The following PDE1C variants were observed in gnomAD, a reference collection of about 807,000 sequenced individuals.
PDE1C encodes the protein phosphodiesterase 1C, also known as dual specificity calcium/calmodulin-dependent 3',5'-cyclic nucleotide phosphodiesterase 1C.
In PDE1C, 62 loss-of-function variants were observed where a neutral mutation model predicts 93.1. That is an observed-to-expected ratio of 0.67 (90% CI 0.54 to 0.82). PDE1C has a LOEUF of 0.82. Ranked by LOEUF, PDE1C falls within the 40% of genes least tolerant of loss-of-function variation. The probability of loss-of-function intolerance (pLI) is 0.00; values close to 1 mark genes in which losing one functional copy is unlikely to be tolerated. For missense variants in PDE1C, 742 were observed against 884.6 expected, an observed-to-expected ratio of 0.84 and a Z score of 2.04; for synonymous variants, 325 against 310.1, an observed-to-expected ratio of 1.05 and a Z score of -0.50.
intron 1 of PDE1C, among the ~76,000 whole-genome samples, chr7:32,060,842 C>A (rs1399279532): frequency 2.0e-5 from 3 of 152,192 alleles, no homozygotes; most frequent in South Asian, 2.1e-4. Context: ...CTAGGAAAGG[C>A]CTTATTTATG....
At chr7:32,419,821 A>AGG (rs1785354978) in intron 1 of PDE1C, among the ~76,000 whole-genome samples, 1 of 151,766 alleles carries the variant, frequency 6.6e-6, no homozygotes, top group South Asian at 2.1e-4. Flanking sequence ...GAGATGTAAG[A>AGG]TGCACACACA....
chr7:32,273,991 G>A (rs528110215), intron 1 of PDE1C, among the ~76,000 whole-genome samples: 1 of 152,222 alleles, frequency 6.6e-6, no homozygotes, highest in South Asian at 2.1e-4. Context: ...TTACAAAAGT[G>A]GAGAATGGAG....
intron 2 of PDE1C, among the ~76,000 whole-genome samples, chr7:32,023,348 T>A (rs913534163): frequency 2.0e-5 from 3 of 152,146 alleles, no homozygotes; most frequent in Admixed American, 6.6e-5. Flanking sequence ...TAAGTTCTAA[T>A]TGGGTTTTCT....
intron 2 of PDE1C, among the ~76,000 whole-genome samples, chr7:32,032,442 C>T (rs1584525964): frequency 1.3e-5 from 2 of 152,164 alleles, no homozygotes; most frequent in African/African-American, 4.8e-5. Flanking sequence ...CTCACAACTC[C>T]GAGGCAAGAA....
At chr7:31,639,191 C>T in the PDE1C span, among the ~76,000 whole-genome samples, 1 of 152,192 alleles carries the variant, frequency 6.6e-6, no homozygotes, top group Non-Finnish European at 1.5e-5. Flanking sequence ...AAAGCTTTCC[C>T]TCCTCTTTGG....
intron 2 of PDE1C, among the ~76,000 whole-genome samples, chr7:32,006,093 A>C (rs1786217367): frequency 6.6e-6 from 1 of 152,154 alleles, no homozygotes; most frequent in South Asian, 2.1e-4. Flanking sequence ...TGGTTCCATT[A>C]GTTCTGACTG....
intron 2 of PDE1C, among the ~76,000 whole-genome samples, chr7:32,009,302 A>C (rs1420408391): frequency 2.0e-5 from 3 of 152,174 alleles, no homozygotes; most frequent in African/African-American, 7.2e-5. Context: ...CAGGAGATGG[A>C]GTTGGGGTTC....
intron 5 of PDE1C, among the ~76,000 whole-genome samples, chr7:31,877,154 G>A (rs1283720571): frequency 6.6e-6 from 1 of 152,186 alleles, no homozygotes; most frequent in Non-Finnish European, 1.5e-5. Flanking sequence ...AACATGTGAT[G>A]TCAACAAACT....
upstream of PDE1C, chr7:32,299,544 G>A (rs1301549712): frequency 2.6e-6 from 1 of 389,004 alleles, no homozygotes; most frequent in Non-Finnish European, 3.5e-6. Flanking sequence ...TTTGCCCAAT[G>A]TGATAGACTC....
chr7:32,172,260 T>C (rs768474233), intron 2 of PDE1C, among the ~76,000 whole-genome samples: 4 of 151,962 alleles, frequency 2.6e-5, no homozygotes, highest in Non-Finnish European at 5.9e-5. Context: ...AGGCAACCTA[T>C]AGAATGGGAG....
At chr7:31,858,360 A>G (rs1201909982) in intron 7 of PDE1C, among the ~76,000 whole-genome samples, 3 of 152,174 alleles carry the variant, frequency 2.0e-5, no homozygotes, top group Admixed American at 1.3e-4. Context: ...TCTCTCTACC[A>G]TAATGCCTGA....
chr7:31,884,448 A>G (rs1036901722), intron 2 of PDE1C, among the ~76,000 whole-genome samples: 1 of 152,218 alleles, frequency 6.6e-6, no homozygotes, highest in Non-Finnish European at 1.5e-5. Context: ...TGACAATAGA[A>G]AGACTACAAG....
At chr7:31,660,439 A>G in the PDE1C span, among the ~76,000 whole-genome samples, 1 of 152,182 alleles carries the variant, frequency 6.6e-6, no homozygotes, top group Non-Finnish European at 1.5e-5. Context: ...TTTCTTTTAA[A>G]TCACTACCAA....
intron 1 of PDE1C, among the ~76,000 whole-genome samples, chr7:32,289,050 A>G (rs1812178299): frequency 6.6e-6 from 1 of 152,234 alleles, no homozygotes; most frequent in Admixed American, 6.5e-5. Flanking sequence ...ATGTCACATC[A>G]TATGTAGATA....
intron 9 of PDE1C, among the ~76,000 whole-genome samples, chr7:31,844,217 CAATA>C (rs1029124729): frequency 2.7e-5 from 4 of 150,334 alleles, no homozygotes; most frequent in African/African-American, 9.8e-5. Flanking sequence ...ATTTTCCTTC[CAATA>C]AATATTTAGA....
chr7:31,764,505 G>T (rs1233533486), intron 17 of PDE1C, among the ~76,000 whole-genome samples: 1 of 152,138 alleles, frequency 6.6e-6, no homozygotes, highest in Admixed American at 6.5e-5. Context: ...AATCCCAGTG[G>T]GAAGTATGCC....
At chr7:31,624,959 A>G in the PDE1C span, among the ~76,000 whole-genome samples, 1 of 152,222 alleles carries the variant, frequency 6.6e-6, no homozygotes, top group Non-Finnish European at 1.5e-5. Context: ...AAAAGTGGGC[A>G]AAGGACATGA....
At chr7:31,619,192 C>A in the PDE1C span, among the ~76,000 whole-genome samples, 1 of 152,080 alleles carries the variant, frequency 6.6e-6, no homozygotes, top group African/African-American at 2.4e-5. Flanking sequence ...GGCAAGGTGT[C>A]CTTTCTATGT....
rs1784130325 is a variant in PDE1C, at chr7:31,991,473, A to C, written c.128+60081T>G. Among the ~76,000 whole-genome samples the C allele has an allele frequency of 2.6e-5, 4 of 152,250 alleles. No individual in the cohort carries two copies. The South Asian group carries it at 8.3e-4, about 31-fold the overall frequency. On this transcript the variant is annotated intron_variant, in intron 2 of 17. Coordinates refer to ENST00000396191, the MANE Select transcript of PDE1C (RefSeq NM_001191057.4). The stretch of plus-strand genomic sequence containing the variant: ...TTTACCAGTTACTAGCTCTGCAGTC[A>C]TCAAGAAATTATGTTCTCTTTGCCT...
Sources: gnomAD v4.1 joint callset for allele counts (sites outside exome capture counted in the v4.1 genomes callset) on GRCh38, gnomAD v4.1.1 for gene constraint, MANE v1.5 for transcripts, NCBI Gene and HGNC (gene_info 2026-07-23, HGNC 2026-07-21) for gene names.